The following KALRN variants were observed in gnomAD, a reference collection of about 807,000 sequenced individuals.
The protein encoded by KALRN is kalirin.
In KALRN, 70 loss-of-function variants were observed where a neutral mutation model predicts 353.7. The ratio of observed to expected loss-of-function variants is 0.20; its 90% confidence interval spans 0.16 to 0.24. The LOEUF is 0.24. Among genes scored for constraint, KALRN ranks in the 10% least tolerant of loss-of-function variants. KALRN has a pLI of 1.00. For missense variants in KALRN, 2,791 were observed against 3,756.7 expected (o/e 0.74, Z 6.72); for synonymous variants, 1,391 against 1,434.8 (o/e 0.97, Z 0.69).
intron 1 of KALRN, among the ~76,000 whole-genome samples, chr3:124,054,357 T>TAAAAATAAAAATAAAAATAAAAA (rs2041322029): frequency 7.3e-6 from 1 of 136,912 alleles, no homozygotes; most frequent in Non-Finnish European, 1.5e-5. Context: ...ACCCCATCAC[T>TAAAAATAAAAATAAAAATAAAAA]TAAAAATAAA....
intron 34 of KALRN, among the ~76,000 whole-genome samples, chr3:124,627,319 G>A (rs1477556225): frequency 6.6e-6 from 1 of 152,132 alleles, no homozygotes; most frequent in Non-Finnish European, 1.5e-5. Flanking sequence ...TTGCTTGCAT[G>A]GAACAAACTT....
intron 37 of KALRN, among the ~76,000 whole-genome samples, chr3:124,637,808 G>C (rs957570282): frequency 1.3e-5 from 2 of 152,204 alleles, no homozygotes; most frequent in Non-Finnish European, 2.9e-5. Context: ...AATAAATTAA[G>C]AGAGTCAGTG....
intron 1 of KALRN, among the ~76,000 whole-genome samples, chr3:124,115,576 G>A (rs1056472805): frequency 3.9e-5 from 6 of 152,170 alleles, no homozygotes; most frequent in African/African-American, 1.4e-4. Context: ...GCCACTGTCC[G>A]AGCCCTGCTG....
intron 5 of KALRN, among the ~76,000 whole-genome samples, chr3:124,285,662 A>G (rs2075764477): frequency 6.6e-6 from 1 of 151,984 alleles, no homozygotes; most frequent in Admixed American, 6.5e-5. Flanking sequence ...CAACCTCCCA[A>G]GTAGCTGGGA....
At chr3:124,645,933 C>T (rs614500) in intron 37 of KALRN, among the ~76,000 whole-genome samples, 35,525 of 151,888 alleles carry the variant, frequency 0.23, 4,430 homozygotes, top group East Asian at 0.47. Context: ...CGTACCAGGG[C>T]TCCCTTTTAT....
chr3:124,559,395 A>T (rs2071663514), intron 33 of KALRN, among the ~76,000 whole-genome samples: 1 of 152,212 alleles, frequency 6.6e-6, no homozygotes, highest in African/African-American at 2.4e-5. Context: ...GACAATTAGC[A>T]TCAAGAAGGC....
intron 1 of KALRN, among the ~76,000 whole-genome samples, chr3:124,092,522 A>G (rs1193529430): frequency 6.6e-6 from 1 of 152,164 alleles, no homozygotes; most frequent in African/African-American, 2.4e-5. Flanking sequence ...CCTCCACTCA[A>G]CCTGTGCCCA....
chr3:124,402,297 T>C (rs1283743591), intron 13 of KALRN, among the ~76,000 whole-genome samples: 1 of 152,228 alleles, frequency 6.6e-6, no homozygotes, highest in Non-Finnish European at 1.5e-5. Flanking sequence ...GTTAGTCAGA[T>C]GTTCAAAACC....
At chr3:124,602,098 A>G (rs887141041) in intron 34 of KALRN, among the ~76,000 whole-genome samples, 2 of 152,216 alleles carry the variant, frequency 1.3e-5, no homozygotes, top group Admixed American at 6.5e-5. Flanking sequence ...CTTGTATTCA[A>G]TAACCATACA....
intron 9 of KALRN, among the ~76,000 whole-genome samples, chr3:124,335,986 G>C (rs1202952917): frequency 6.6e-6 from 1 of 152,182 alleles, no homozygotes; most frequent in Non-Finnish European, 1.5e-5. Context: ...GGCCTCTGAT[G>C]CTGGGTGCCT....
intron 35 of KALRN, among the ~76,000 whole-genome samples, chr3:124,633,009 C>T (rs1429246121): frequency 6.6e-6 from 1 of 152,196 alleles, no homozygotes; most frequent in Non-Finnish European, 1.5e-5. Flanking sequence ...TTAAAACCAG[C>T]TAGACCTGTT....
At chr3:124,247,663 A>C (rs2070503145) in intron 3 of KALRN, among the ~76,000 whole-genome samples, 1 of 152,176 alleles carries the variant, frequency 6.6e-6, no homozygotes, top group Non-Finnish European at 1.5e-5. Flanking sequence ...TGTCCCCCTG[A>C]CCTTTTTCAT....
chr3:124,244,838 C>G (rs1019744553), intron 3 of KALRN, among the ~76,000 whole-genome samples: 2 of 151,798 alleles, frequency 1.3e-5, no homozygotes, highest in African/African-American at 4.8e-5. Context: ...TTAGTTGTTA[C>G]ATATATAATT....
intron 1 of KALRN, among the ~76,000 whole-genome samples, chr3:124,165,457 A>T (rs1328352127): frequency 6.6e-6 from 1 of 152,190 alleles, no homozygotes; most frequent in South Asian, 2.1e-4. Context: ...TTCAATTACC[A>T]AGGCTGATGT....
chr3:124,488,373 G>A (rs1363162986), intron 29 of KALRN, 58 bp downstream of exon 29: 1 of 1,144,710 alleles, frequency 8.7e-7, no homozygotes, highest in Non-Finnish European at 1.3e-6. Flanking sequence ...GGGGGAGCTT[G>A]TATCATGGGA....
chr3:124,510,512 A>T (rs1015122107), intron 33 of KALRN, among the ~76,000 whole-genome samples: 1 of 149,102 alleles, frequency 6.7e-6, no homozygotes, highest in Non-Finnish European at 1.5e-5. Flanking sequence ...CACACAAAAA[A>T]TGCTGAGGGT....
At chr3:124,143,310 T>G (rs570903426) in intron 1 of KALRN, among the ~76,000 whole-genome samples, 19 of 152,308 alleles carry the variant, frequency 1.2e-4, no homozygotes, top group African/African-American at 4.6e-4. Context: ...CTCTCTATTT[T>G]CTGGAAACTG....
At chr3:124,605,898 G>A (rs1047942726) in intron 34 of KALRN, among the ~76,000 whole-genome samples, 3 of 152,108 alleles carry the variant, frequency 2.0e-5, no homozygotes, top group Admixed American at 1.3e-4. Flanking sequence ...TTACACGAGT[G>A]AAATCCCCTC....
intron 34 of KALRN, among the ~76,000 whole-genome samples, chr3:124,569,596 G>C (rs57311335): frequency 4.7e-4 from 72 of 152,260 alleles, no homozygotes; most frequent in African/African-American, 1.7e-3. Flanking sequence ...GACAAGCAGT[G>C]GGCCTAAATT....
Sources: allele counts gnomAD v4.1 joint callset (sites outside exome capture counted in the v4.1 genomes callset), GRCh38; gene constraint gnomAD v4.1.1; transcripts MANE v1.5; gene names NCBI Gene and HGNC (gene_info 2026-07-23, HGNC 2026-07-21).